MALRD1: variants seen among roughly 807,000 people sequenced by gnomAD.
MALRD1 encodes MAM and LDL receptor class A domain containing 1.
Under a neutral mutation model 242.1 loss-of-function variants are expected in MALRD1, and 247 were observed. The ratio of observed to expected loss-of-function variants is 1.02; its 90% confidence interval spans 0.92 to 1.13. The LOEUF (loss-of-function observed/expected upper bound fraction) is 1.13. MALRD1 is among the 50% of genes most tolerant of loss of function. MALRD1 has a pLI of 0.00. For missense variants in MALRD1, 2,989 were observed against 2,533.1 expected, an observed-to-expected ratio of 1.18 and a Z score of -3.86; for synonymous variants, 995 against 866.6, an observed-to-expected ratio of 1.15 and a Z score of -2.60.
intron 9 of MALRD1, 79 bp from the exon 10 acceptor site, chr10:19,136,495 T>A: frequency 1.2e-6 from 1 of 814,378 alleles, no homozygotes; most frequent in Non-Finnish European, 1.6e-6. Context: ...ATAACTACTT[T>A]GTCTTTATCA....
At chr10:19,166,205 G>C (rs1834678777) in intron 13 of MALRD1, among the ~76,000 whole-genome samples, 1 of 152,198 alleles carries the variant, frequency 6.6e-6, no homozygotes, top group Admixed American at 6.5e-5. Context: ...TAGTGAAAAA[G>C]TCTGACGTGG....
chr10:19,246,890 G>A (rs545813374), intron 18 of MALRD1, among the ~76,000 whole-genome samples: 1 of 152,194 alleles, frequency 6.6e-6, no homozygotes, highest in East Asian at 1.9e-4. Flanking sequence ...TTGATATAAA[G>A]GGATGCTCTC....
chr10:19,311,503 T>C (rs1215650960), intron 21 of MALRD1, among the ~76,000 whole-genome samples: 2 of 151,428 alleles, frequency 1.3e-5, no homozygotes, highest in East Asian at 3.9e-4. Flanking sequence ...AGTGACTTAA[T>C]GAGAAAATAA....
At chr10:19,515,560 T>A (rs545503555) in intron 31 of MALRD1, among the ~76,000 whole-genome samples, 83 of 152,016 alleles carry the variant, frequency 5.5e-4, no homozygotes, top group African/African-American at 1.4e-3. Context: ...TTTTAATTTT[T>A]ATTTATTTAT....
chr10:19,156,633 C>T (rs1834157895), intron 12 of MALRD1, among the ~76,000 whole-genome samples: 2 of 152,026 alleles, frequency 1.3e-5, no homozygotes, highest in Admixed American at 6.6e-5. Context: ...GTCTGCTTTA[C>T]AGAAATTTGA....
chr10:19,077,873 C>T (rs1224847979), intron 2 of MALRD1, among the ~76,000 whole-genome samples: 2 of 151,866 alleles, frequency 1.3e-5, no homozygotes, highest in Non-Finnish European at 2.9e-5. Flanking sequence ...GAGATGATGA[C>T]AATGATAATA....
At chr10:19,110,441 T>C (rs941344390) in intron 5 of MALRD1, among the ~76,000 whole-genome samples, 1 of 152,166 alleles carries the variant, frequency 6.6e-6, no homozygotes, top group Non-Finnish European at 1.5e-5. Context: ...AGTATATCAA[T>C]TGAAATAGAG....
intron 38 of MALRD1, among the ~76,000 whole-genome samples, chr10:19,711,687 GCA>G (rs936063979): frequency 7.9e-5 from 12 of 152,176 alleles, no homozygotes; most frequent in African/African-American, 2.7e-4. Flanking sequence ...TATGTGTGTG[GCA>G]CAGACTGTGA....
At chr10:19,717,776 G>A (rs1332176699) in intron 38 of MALRD1, among the ~76,000 whole-genome samples, 1 of 151,950 alleles carries the variant, frequency 6.6e-6, no homozygotes, top group Admixed American at 6.6e-5. Flanking sequence ...CAGCACTTTG[G>A]TAGGCCAAGA....
intron 38 of MALRD1, among the ~76,000 whole-genome samples, chr10:19,700,189 A>G (rs1369378420): frequency 2.6e-5 from 4 of 152,106 alleles, no homozygotes; most frequent in Admixed American, 6.6e-5. Flanking sequence ...TTACCGAAGA[A>G]GTTTCCACCC....
intron 38 of MALRD1, among the ~76,000 whole-genome samples, chr10:19,704,521 T>A (rs1232469245): frequency 1.3e-5 from 2 of 152,178 alleles, no homozygotes; most frequent in African/African-American, 4.8e-5. Flanking sequence ...TGCCGTCGCT[T>A]TAATAGGGCT....
At chr10:19,382,911 T>A (rs1183910098) in intron 26 of MALRD1, among the ~76,000 whole-genome samples, 2 of 152,226 alleles carry the variant, frequency 1.3e-5, no homozygotes, top group African/African-American at 4.8e-5. Flanking sequence ...TAGATTCTTA[T>A]AACCTTCAGT....
intron 28 of MALRD1, among the ~76,000 whole-genome samples, chr10:19,413,417 G>C (rs1284948402): frequency 6.6e-6 from 1 of 151,774 alleles, no homozygotes; most frequent in Non-Finnish European, 1.5e-5. Context: ...CTTTTCCTGT[G>C]CTTCTTGCAC....
chr10:19,373,253 A>G (rs193253236), intron 26 of MALRD1, among the ~76,000 whole-genome samples: 19,893 of 105,020 alleles, frequency 0.19, 1,510 homozygotes, highest in African/African-American at 0.26. Flanking sequence ...CATGCGTGTA[A>G]TCCCAGCACT....
chr10:19,308,528 A>C (rs1337849182), intron 21 of MALRD1, among the ~76,000 whole-genome samples: 2 of 151,544 alleles, frequency 1.3e-5, no homozygotes, highest in African/African-American at 4.8e-5. Flanking sequence ...AGCTTAGTCT[A>C]GTCCAGATAA....
chr10:19,614,969 T>C (rs1301184517), intron 35 of MALRD1, among the ~76,000 whole-genome samples: 1 of 152,066 alleles, frequency 6.6e-6, no homozygotes, highest in East Asian at 1.9e-4. Flanking sequence ...TGCAGACACA[T>C]TCTAAATAAG....
At chr10:19,229,852 A>G (rs1183915090) in intron 18 of MALRD1, among the ~76,000 whole-genome samples, 1 of 152,138 alleles carries the variant, frequency 6.6e-6, no homozygotes, top group Admixed American at 6.6e-5. Context: ...AAGCCTAGCT[A>G]TATTTAATTG....
chr10:19,399,955 T>C (rs1846761408), intron 28 of MALRD1, among the ~76,000 whole-genome samples: 1 of 152,218 alleles, frequency 6.6e-6, no homozygotes, highest in Non-Finnish European at 1.5e-5. Flanking sequence ...GGATATACTA[T>C]GCCCAACTTA....
chr10:19,430,386 A>T (rs985026847), intron 28 of MALRD1, among the ~76,000 whole-genome samples: 2 of 151,812 alleles, frequency 1.3e-5, no homozygotes, highest in African/African-American at 4.8e-5. Flanking sequence ...AAGCGCTGGG[A>T]TTACAGGCAT....
Sources: allele counts gnomAD v4.1 joint callset (sites outside exome capture counted in the v4.1 genomes callset), GRCh38; gene constraint gnomAD v4.1.1; transcripts MANE v1.5; gene names NCBI Gene and HGNC (gene_info 2026-07-23, HGNC 2026-07-21).